AKAP13: variants seen among roughly 807,000 people sequenced by gnomAD.
AKAP13 encodes A-kinase anchor protein 13.
In AKAP13, 80 loss-of-function variants were observed where a neutral mutation model predicts 264.5. That is an observed-to-expected ratio of 0.30 (90% CI 0.25 to 0.36). The LOEUF (loss-of-function observed/expected upper bound fraction) is 0.36, where lower values mean the gene tolerates loss of function less well. Ranked by LOEUF, AKAP13 falls within the 10% of genes least tolerant of loss-of-function variation. The probability of loss-of-function intolerance (pLI) is 1.00; values close to 1 mark genes in which losing one functional copy is unlikely to be tolerated. For synonymous variants in AKAP13, 1,380 were observed against 1,250.2 expected (o/e 1.10, Z -2.19); for missense variants, 3,712 against 3,435.2 (o/e 1.08, Z -2.01).
chr15:85,710,913 C>T (rs547550292), intron 19 of AKAP13, among the ~76,000 whole-genome samples: 20 of 152,244 alleles, frequency 1.3e-4, no homozygotes, highest in South Asian at 2.1e-4. Flanking sequence ...GTGACCCCTG[C>T]GCATCTCAAC....
chr15:85,512,496 A>G (rs1315716783), intron 2 of AKAP13, among the ~76,000 whole-genome samples: 1 of 152,042 alleles, frequency 6.6e-6, no homozygotes, highest in Non-Finnish European at 1.5e-5. Flanking sequence ...CTTTACACGT[A>G]TCTCTTTTTT....
intron 1 of AKAP13, among the ~76,000 whole-genome samples, chr15:85,441,155 T>G (rs1468207812): frequency 6.6e-6 from 1 of 152,214 alleles, no homozygotes; most frequent in Non-Finnish European, 1.5e-5. Flanking sequence ...CAGCAATATA[T>G]GAGGGCTTCA....
intron 1 of AKAP13, among the ~76,000 whole-genome samples, chr15:85,412,185 G>C (rs544861986): frequency 6.6e-6 from 1 of 152,108 alleles, no homozygotes; most frequent in Non-Finnish European, 1.5e-5. Context: ...AGTACAAAAC[G>C]GTCATTGATA....
chr15:85,386,294 A>G (rs2070558073), intron 1 of AKAP13, among the ~76,000 whole-genome samples: 1 of 150,848 alleles, frequency 6.6e-6, no homozygotes, highest in South Asian at 2.1e-4. Context: ...ATTTCCTCCT[A>G]CAAGTTATTA....
At chr15:85,552,118 G>C (rs1167902117) in intron 5 of AKAP13, among the ~76,000 whole-genome samples, 4 of 152,250 alleles carry the variant, frequency 2.6e-5, no homozygotes, top group East Asian at 1.9e-4. Flanking sequence ...ATAAATATGA[G>C]GTAGTAAAAA....
Position 85,662,626 on chromosome 15 carries a change from G to A in AKAP13, c.4800-1937G>A, listed in dbSNP as rs117688847. Among the ~76,000 whole-genome samples, 58 of 152,310 alleles carry A rather than the reference G, an allele frequency of 3.8e-4. No individual in the cohort carries two copies. The East Asian group carries it at 0.011, about 29-fold the overall frequency. On this transcript the variant is annotated intron_variant, in intron 12 of 36. Transcript: ENST00000394518. ...ATGGGTGTCACTAACTCAGCTGAAG[G>A]GATGCAGCCTAAGAGTCGGGTGATG...
At position 85,705,313 on chromosome 15, in the gene AKAP13, C is replaced by T. The variant is rs550298532; in HGVS notation, c.5465-2706C>T. Among the ~76,000 whole-genome samples the T allele has an allele frequency of 3.3e-5, 5 of 152,240 alleles. No individual in the cohort carries two copies. The South Asian group carries it at 1.0e-3, about 32-fold the overall frequency. ...GTTGGGAAGAAAGGAACAGAAAGAA[C>T]AGAACTTGGAAACAAATTCTGCCCA... On this transcript the variant is annotated intron_variant, in intron 17 of 36. Coordinates refer to ENST00000394518, the MANE Select transcript of AKAP13 (RefSeq NM_007200.5).
At chr15:85,472,003 T>C (rs1364965216) in intron 1 of AKAP13, among the ~76,000 whole-genome samples, 1 of 152,170 alleles carries the variant, frequency 6.6e-6, no homozygotes, top group African/African-American at 2.4e-5. Context: ...AAAAGATCTT[T>C]AGTTTTGTAT....
intron 14 of AKAP13, among the ~76,000 whole-genome samples, chr15:85,671,614 C>A (rs961823840): frequency 1.4e-5 from 2 of 145,508 alleles, no homozygotes; most frequent in Admixed American, 1.4e-4. Flanking sequence ...ACAGAAATAG[C>A]TTTTCCTGTT....
chr15:85,586,715 C>G (rs1056845508), intron 8 of AKAP13, among the ~76,000 whole-genome samples: 2 of 151,932 alleles, frequency 1.3e-5, no homozygotes, highest in African/African-American at 2.4e-5. Context: ...TACCTGAGGT[C>G]GGAAGTTCAA....
intron 1 of AKAP13, among the ~76,000 whole-genome samples, chr15:85,450,149 G>A (rs890816053): frequency 2.0e-5 from 3 of 151,784 alleles, no homozygotes; most frequent in East Asian, 1.9e-4. Context: ...TCTGGGTGGG[G>A]GTGTATGTGT....
At chr15:85,385,240 T>C (rs1655076602) in intron 1 of AKAP13, among the ~76,000 whole-genome samples, 2 of 152,232 alleles carry the variant, frequency 1.3e-5, no homozygotes, top group Non-Finnish European at 1.5e-5. Context: ...TTCTATAATA[T>C]TATTCAATAC....
chr15:85,503,404 A>G (rs1033290893), intron 2 of AKAP13, among the ~76,000 whole-genome samples: 4 of 152,148 alleles, frequency 2.6e-5, no homozygotes, highest in African/African-American at 9.7e-5. Context: ...ATAGCCCCCA[A>G]AGCAATGCTG....
intron 9 of AKAP13, 46 bp from the exon 10 acceptor site, chr15:85,645,772 T>TTG: frequency 6.8e-7 from 1 of 1,466,150 alleles, no homozygotes; most frequent in Non-Finnish European, 8.9e-7. Flanking sequence ...TTTTGGTTTT[T>TTG]TTGTTTTTTT....
chr15:85,519,270 T>G (rs1236046230), intron 2 of AKAP13, among the ~76,000 whole-genome samples: 1 of 152,118 alleles, frequency 6.6e-6, no homozygotes, highest in East Asian at 1.9e-4. Context: ...AAATTTGAAT[T>G]TCATGTAATT....
At chr15:85,502,996 GA>G (rs1162511514) in intron 2 of AKAP13, among the ~76,000 whole-genome samples, 1 of 152,188 alleles carries the variant, frequency 6.6e-6, no homozygotes, top group Non-Finnish European at 1.5e-5. Context: ...GAGACATGGA[GA>G]TTATGAAATG....
chr15:85,625,610 C>T (rs557128598), intron 8 of AKAP13, among the ~76,000 whole-genome samples: 1 of 152,220 alleles, frequency 6.6e-6, no homozygotes, highest in East Asian at 1.9e-4. Flanking sequence ...GCCTGTAACC[C>T]CAGCACTTTG....
intron 2 of AKAP13, among the ~76,000 whole-genome samples, chr15:85,496,764 A>G (rs1251151905): frequency 2.0e-5 from 3 of 152,196 alleles, no homozygotes; most frequent in East Asian, 1.9e-4. Context: ...TGCCTTAACA[A>G]TACATTTCTG....
At chr15:85,454,983 A>G (rs567588542) in intron 1 of AKAP13, among the ~76,000 whole-genome samples, 2 of 152,210 alleles carry the variant, frequency 1.3e-5, no homozygotes, top group African/African-American at 4.8e-5. Flanking sequence ...TTTAAGATAG[A>G]TTTCTTGTCT....
Sources: allele counts gnomAD v4.1 joint callset (sites outside exome capture counted in the v4.1 genomes callset), GRCh38; gene constraint gnomAD v4.1.1; transcripts MANE v1.5; gene names NCBI Gene and HGNC (gene_info 2026-07-23, HGNC 2026-07-21).